Variants in LRP1B observed in about 807,000 individuals in gnomAD.
The protein encoded by LRP1B is LDL receptor related protein 1B.
LRP1B carries 217 observed loss-of-function variants against 556.6 expected under a neutral mutation model. That is an observed-to-expected ratio of 0.39 (90% confidence interval 0.35 to 0.44). The LOEUF (loss-of-function observed/expected upper bound fraction) is 0.44. Among genes scored for constraint, LRP1B ranks in the 20% least tolerant of loss-of-function variants. LRP1B has a pLI of 1.00. For synonymous variants in LRP1B, 2,047 were observed against 1,865.8 expected, an observed-to-expected ratio of 1.10 and a Z score of -2.50; for missense variants, 5,053 against 5,620.8, an observed-to-expected ratio of 0.90 and a Z score of 3.23.
At chr2:140,780,991 T>A (rs970710182) in intron 32 of LRP1B, among the ~76,000 whole-genome samples, 1 of 152,150 alleles carries the variant, frequency 6.6e-6, no homozygotes, top group Admixed American at 6.5e-5. Flanking sequence ...AGTAGAGATA[T>A]CTATGAAACT....
intron 2 of LRP1B, among the ~76,000 whole-genome samples, chr2:141,596,160 C>T (rs952069712): frequency 3.3e-5 from 5 of 151,828 alleles, no homozygotes; most frequent in Non-Finnish European, 7.4e-5. Context: ...CTAGCTACTC[C>T]GATCCTTACC....
At chr2:141,570,151 C>G (rs1686475858) in intron 2 of LRP1B, among the ~76,000 whole-genome samples, 1 of 150,836 alleles carries the variant, frequency 6.6e-6, no homozygotes, top group Non-Finnish European at 1.5e-5. Flanking sequence ...CAAAACAAAA[C>G]AAAACAAAAC....
At chr2:141,504,178 A>G (rs1683831434) in intron 2 of LRP1B, among the ~76,000 whole-genome samples, 1 of 152,156 alleles carries the variant, frequency 6.6e-6, no homozygotes, top group Admixed American at 6.6e-5. Flanking sequence ...CATATTAATT[A>G]AGCCTGCTTT....
At chr2:140,317,876 A>G (rs1684596001) in intron 82 of LRP1B, among the ~76,000 whole-genome samples, 1 of 152,126 alleles carries the variant, frequency 6.6e-6, no homozygotes, top group Admixed American at 6.6e-5. Flanking sequence ...ACACTGCCTG[A>G]TGAAATGGAA....
chr2:140,793,847 T>C (rs368415907), intron 32 of LRP1B, among the ~76,000 whole-genome samples: 1 of 151,972 alleles, frequency 6.6e-6, no homozygotes, highest in Admixed American at 6.6e-5. Context: ...GAAAAAAAAA[T>C]GTAGTTTATA....
chr2:141,915,081 A>C (rs558287737), intron 1 of LRP1B, among the ~76,000 whole-genome samples: 1 of 152,208 alleles, frequency 6.6e-6, no homozygotes, highest in Non-Finnish European at 1.5e-5. Flanking sequence ...CAGGCATCAC[A>C]TTGCCTGACT....
At chr2:141,705,807 T>C (rs1692114474) in intron 2 of LRP1B, among the ~76,000 whole-genome samples, 1 of 151,942 alleles carries the variant, frequency 6.6e-6, no homozygotes, top group Non-Finnish European at 1.5e-5. Context: ...TCCAAACAGA[T>C]GCCAAGGTTT....
chr2:140,950,433 A>G (rs765283517), intron 19 of LRP1B, 31 bp from the exon 20 acceptor site: 10 of 1,540,242 alleles, frequency 6.5e-6, no homozygotes, highest in Middle Eastern at 1.7e-4. Context: ...GAGGCAGTGA[A>G]ATCTGAACCA....
chr2:140,748,280 G>A (rs1257630983), intron 35 of LRP1B, among the ~76,000 whole-genome samples: 4 of 74,084 alleles, frequency 5.4e-5, no homozygotes, highest in Non-Finnish European at 1.1e-4. Context: ...TTTAATATAT[G>A]TTCATATATG....
chr2:141,127,567 G>A (rs1011725977), intron 7 of LRP1B, among the ~76,000 whole-genome samples: 3 of 152,110 alleles, frequency 2.0e-5, no homozygotes, highest in African/African-American at 7.2e-5. Flanking sequence ...CCATAAAAAA[G>A]GATGAGTTCA....
intron 2 of LRP1B, among the ~76,000 whole-genome samples, chr2:141,504,578 A>C (rs941595437): frequency 2.6e-5 from 4 of 152,128 alleles, no homozygotes; most frequent in Non-Finnish European, 5.9e-5. Flanking sequence ...ACTTGTCTGC[A>C]GAAACAACAC....
At chr2:141,991,330 T>C (rs2105115266) in intron 1 of LRP1B, among the ~76,000 whole-genome samples, 2 of 152,182 alleles carry the variant, frequency 1.3e-5, no homozygotes, top group Admixed American at 1.3e-4. Flanking sequence ...CACACTTATG[T>C]CCAGCATATT....
chr2:140,330,847 A>G (rs1177133054), intron 79 of LRP1B, among the ~76,000 whole-genome samples: 1 of 152,174 alleles, frequency 6.6e-6, no homozygotes, highest in Non-Finnish European at 1.5e-5. Flanking sequence ...TTCAGAATCT[A>G]CAAGGAACTT....
At chr2:140,965,355 T>C (rs1309738111) in intron 18 of LRP1B, among the ~76,000 whole-genome samples, 1 of 128,882 alleles carries the variant, frequency 7.8e-6, no homozygotes, top group Non-Finnish European at 1.7e-5. Flanking sequence ...AAGGTTAAAA[T>C]ACCTTTTTTT....
intron 43 of LRP1B, among the ~76,000 whole-genome samples, chr2:140,561,124 G>A (rs188901706): frequency 6.6e-6 from 1 of 152,222 alleles, no homozygotes; most frequent in East Asian, 1.9e-4. Flanking sequence ...CAATGTGAGT[G>A]ATAGAAACTA....
chr2:140,571,364 A>C (rs1681315452), intron 43 of LRP1B, among the ~76,000 whole-genome samples: 1 of 151,874 alleles, frequency 6.6e-6, no homozygotes. Context: ...CTATACACCA[A>C]CAACAAGCTA....
chr2:141,210,211 G>A (rs1276794928), intron 6 of LRP1B, among the ~76,000 whole-genome samples: 3 of 150,248 alleles, frequency 2.0e-5, no homozygotes, highest in Admixed American at 6.7e-5. Flanking sequence ...CGTAAACATC[G>A]CTACAAGATT....
intron 7 of LRP1B, among the ~76,000 whole-genome samples, chr2:141,149,335 C>A (rs1435937138): frequency 6.6e-6 from 1 of 152,036 alleles, no homozygotes; most frequent in Non-Finnish European, 1.5e-5. Context: ...CTAAATTTCT[C>A]TAGACTCTGG....
intron 6 of LRP1B, among the ~76,000 whole-genome samples, chr2:141,206,653 C>G (rs1172106045): frequency 6.6e-6 from 1 of 152,004 alleles, no homozygotes; most frequent in African/African-American, 2.4e-5. Flanking sequence ...TAGTGGGCAC[C>G]CTGGATTGGC....
Sources: allele counts gnomAD v4.1 joint callset (sites outside exome capture counted in the v4.1 genomes callset), GRCh38; gene constraint gnomAD v4.1.1; transcripts MANE v1.5; gene names NCBI Gene and HGNC (gene_info 2026-07-23, HGNC 2026-07-21).